The following RBL1 variants were observed in gnomAD, a reference collection of about 807,000 sequenced individuals.
RBL1 encodes RB transcriptional corepressor like 1.
Under a neutral mutation model 123.0 loss-of-function variants are expected in RBL1, and 82 were observed. That is an observed-to-expected ratio of 0.67 (90% confidence interval 0.56 to 0.80). RBL1 has a LOEUF of 0.80. RBL1 is among the 30% of genes least tolerant of loss of function. The pLI is 0.00. For synonymous variants in RBL1, 405 were observed against 441.3 expected, an observed-to-expected ratio of 0.92 and a Z score of 1.03; for missense variants, 1,171 against 1,299.6, an observed-to-expected ratio of 0.90 and a Z score of 1.52.
intron 19 of RBL1, among the ~76,000 whole-genome samples, chr20:37,017,782 C>G (rs1264326440): frequency 6.6e-6 from 1 of 152,052 alleles, no homozygotes; most frequent in Non-Finnish European, 1.5e-5. Flanking sequence ...AGGCGTATAC[C>G]ACCACACCTA....
intron 21 of RBL1, among the ~76,000 whole-genome samples, chr20:36,999,298 C>G (rs1003668185): frequency 6.6e-6 from 1 of 151,966 alleles, no homozygotes; most frequent in Non-Finnish European, 1.5e-5. Context: ...CTCAGCTACT[C>G]GGGAGGTTAA....
At chr20:37,010,366 C>T (rs1454600391) in intron 19 of RBL1, among the ~76,000 whole-genome samples, 2 of 152,130 alleles carry the variant, frequency 1.3e-5, no homozygotes, top group African/African-American at 4.8e-5. Flanking sequence ...TAAGGCCTTA[C>T]TATGAACAAG....
At chr20:37,073,387 T>C (rs912497572) in intron 2 of RBL1, among the ~76,000 whole-genome samples, 8 of 152,108 alleles carry the variant, frequency 5.3e-5, no homozygotes, top group African/African-American at 1.7e-4. Context: ...TTTCAATTCA[T>C]TGGGATTCTG....
Position 37,089,064 on chromosome 20 carries a change from A to G in RBL1, c.215T>C (p.Ile72Thr). 5 of 1,612,626 alleles carry G rather than the reference A, an allele frequency of 3.1e-6. No individual in the cohort carries two copies. Among genetic ancestry groups the G allele is most frequent in the Non-Finnish European group, 4.2e-6 (5 of 1,179,210 alleles). Residue 72 changes from isoleucine to threonine, a missense_variant, in exon 2 of 22, where the codon ATT (isoleucine) becomes ACT (threonine). Physicochemically the swap from Ile to Thr is moderately conservative, Grantham distance 89. Transcript: ENST00000373664. ...CATGATACCCTTTCCAACCGTGGGA[A>G]TAATGCTTTTGCGGCATGCAACATA... Reference protein sequence around the residue: ...SLYVACRKSIIPTVGKGIMEG... With the variant: ...SLYVACRKSITPTVGKGIMEG...
chr20:37,040,016 A>G (rs1370851565), intron 14 of RBL1, 137 bp downstream of exon 14: 7 of 1,112,894 alleles, frequency 6.3e-6, no homozygotes, highest in Non-Finnish European at 7.8e-6. Context: ...TGCTGGCACA[A>G]GCATCAAGCT....
intron 2 of RBL1, among the ~76,000 whole-genome samples, chr20:37,082,591 G>C (rs13040834): frequency 0.052 from 7,886 of 152,104 alleles, 324 homozygotes; most frequent in Non-Finnish European, 0.09. Flanking sequence ...GGAAAAAAAG[G>C]ATGGTTGTGT....
intron 19 of RBL1, among the ~76,000 whole-genome samples, chr20:37,012,743 G>A (rs2064181111): frequency 1.3e-5 from 2 of 150,980 alleles, no homozygotes; most frequent in African/African-American, 4.9e-5. Flanking sequence ...GGAGGTGGGG[G>A]GGTCAGCCCC....
intron 12 of RBL1, among the ~76,000 whole-genome samples, chr20:37,046,446 T>C (rs1055996999): frequency 2.0e-5 from 3 of 151,964 alleles, no homozygotes; most frequent in Non-Finnish European, 2.9e-5. Flanking sequence ...GTGCCCAGGC[T>C]GGAGTGTGGT....
Position 37,056,199 on chromosome 20 carries a change from G to A in RBL1, c.1310C>T (p.Thr437Ile), listed in dbSNP as rs763460982. ...IMKILKGIGE[T>I]FCQHYTQSTD... ...TGATTGAGTATAGTGTTGACAGAAA[G>A]TCTCTCCTATTCCTTTTAGTATTTT... Residue 437 changes from threonine (T) to isoleucine (I), a missense_variant, in exon 10 of 22, where the codon ACT becomes ATT. Coordinates refer to ENST00000373664, the MANE Select transcript of RBL1 (RefSeq NM_002895.5). 1.2e-6 allele frequency: 2 copies of A among 1,611,238 alleles called. No homozygotes were observed. The highest frequency in any genetic ancestry group is 4.5e-5 in the East Asian group (2 of 44,854).
intron 7 of RBL1, among the ~76,000 whole-genome samples, chr20:37,064,659 G>A (rs2065150725): frequency 6.6e-6 from 1 of 151,964 alleles, no homozygotes; most frequent in African/African-American, 2.4e-5. Flanking sequence ...GCCTAGGCTG[G>A]AGTGCAGTGG....
At position 37,058,151 on chromosome 20, in the gene RBL1, A is replaced by AAAAAAAAAAAAT. The variant is rs2065043467; in HGVS notation, c.1251-1894_1251-1893insATTTTTTTTTTT. ...AAAACAAAACAAAACAAAAAAAAAA[A>AAAAAAAAAAAAT]AGCCTATTCCAGGGTTCACTATTCC... On this transcript the variant is annotated intron_variant, in intron 9 of 21. Coordinates refer to ENST00000373664, the MANE Select transcript of RBL1 (RefSeq NM_002895.5). Among the ~76,000 whole-genome samples, 2 of 150,370 alleles carry AAAAAAAAAAAAT rather than the reference A, an allele frequency of 1.3e-5. 1 individual carries two copies. Among genetic ancestry groups the AAAAAAAAAAAAT allele is most frequent in the East Asian group, 3.9e-4 (2 of 5,094 alleles).
chr20:37,047,028 T>C, intron 12 of RBL1, 25 bp downstream of exon 12: 2 of 1,568,418 alleles, frequency 1.3e-6, no homozygotes, highest in South Asian at 1.2e-5. Context: ...TTTCATCTCA[T>C]AACAGAACTT....
intron 1 of RBL1, among the ~76,000 whole-genome samples, chr20:37,090,173 T>C (rs993381689): frequency 2.0e-5 from 3 of 152,252 alleles, no homozygotes; most frequent in South Asian, 2.1e-4. Context: ...TTGCCTATAG[T>C]GTTCAGTACA....
chr20:37,017,045 G>A (rs1366432636), intron 19 of RBL1, among the ~76,000 whole-genome samples: 10 of 151,780 alleles, frequency 6.6e-5, no homozygotes, highest in South Asian at 2.1e-4. Flanking sequence ...AAGGAGAAAT[G>A]ACCTAAATGT....
rs1004965315 is a variant in RBL1 at position 37,055,578 on chromosome 20, C to T, written c.1442G>A (p.Arg481Gln). 6.8e-6 allele frequency: 11 copies of T among 1,613,924 alleles called. No individual in the cohort carries two copies. The highest frequency in any genetic ancestry group is 3.3e-5 in the Admixed American group (2 of 59,978). ...ILETVMVQET[R>Q]RLHGMDMSVL... ...TGACATGTCCATTCCATGAAGTCTT[C>T]GTGTTTCCTGAACCATTACAGTCTC... The change falls in exon 11 of 22, where the codon CGA (arginine) becomes CAA (glutamine). Residue 481 changes from arginine (R) to glutamine (Q), a missense_variant. Transcript: ENST00000373664.
In RBL1 at chr20:37,045,097, T is replaced by C. The variant is rs186450547; in HGVS notation, c.1606-847A>G. On this transcript the variant is annotated intron_variant, in intron 12 of 21. Transcript: ENST00000373664. ...ATTTATTTACTTATTTATTTATTTATTTATTTATTTATTTATTTATTTATT... is the reference window on the plus strand; with the variant it reads ...ATTTATTTACTTATTTATTTATTTACTTATTTATTTATTTATTTATTTATT... Among the ~76,000 whole-genome samples, 1,045 of 150,690 alleles carry C rather than the reference T, an allele frequency of 6.9e-3. 19 individuals are homozygous for C. Among genetic ancestry groups the C allele is most frequent in the African/African-American group, 0.024 (989 of 41,280 alleles).
intron 2 of RBL1, among the ~76,000 whole-genome samples, chr20:37,071,948 G>C (rs1194646535): frequency 6.6e-6 from 1 of 152,084 alleles, no homozygotes; most frequent in Non-Finnish European, 1.5e-5. Flanking sequence ...CAGAACCCTG[G>C]GCCAAATAAA....
intron 20 of RBL1, among the ~76,000 whole-genome samples, chr20:37,004,496 T>G (rs1328755566): frequency 6.7e-6 from 1 of 150,252 alleles, no homozygotes; most frequent in Admixed American, 6.6e-5. Context: ...GCGGATCACC[T>G]GAGGTCAGGA....
intron 21 of RBL1, among the ~76,000 whole-genome samples, chr20:37,002,336 G>GTTTTTTTTTTTTTTTTTTTT (rs965408801): frequency 1.0e-4 from 8 of 76,350 alleles, no homozygotes; most frequent in Admixed American, 1.9e-4. Context: ...AGCCTTATCT[G>GTTTTTTTTTTTTTTTTTTTT]TTTTTTTTTT....
Sources: allele counts gnomAD v4.1 joint callset (sites outside exome capture counted in the v4.1 genomes callset), GRCh38; gene constraint gnomAD v4.1.1; transcripts MANE v1.5; gene names NCBI Gene and HGNC (gene_info 2026-07-23, HGNC 2026-07-21).